E2F2: variants seen among roughly 807,000 people sequenced by gnomAD.
E2F2 encodes the protein E2F transcription factor 2, also known as transcription factor E2F2.
E2F2 carries 22 observed loss-of-function variants against 42.2 expected under a neutral mutation model. That is an observed-to-expected ratio of 0.52 (90% CI 0.37 to 0.74). The LOEUF (loss-of-function observed/expected upper bound fraction) is 0.74. Among genes scored for constraint, E2F2 ranks in the 30% least tolerant of loss-of-function variants. E2F2 has a pLI of 0.00. For synonymous variants in E2F2, 248 were observed against 251.6 expected (o/e 0.99, Z 0.13); for missense variants, 481 against 557.8 (o/e 0.86, Z 1.39).
rs758683813 is a variant in E2F2 at position 23,530,529 on chromosome 1, C to G, written c.252+13G>C. 3.7e-6 allele frequency: 6 copies of G among 1,610,318 alleles called. No individual in the cohort carries two copies. Among genetic ancestry groups the G allele is most frequent in the Non-Finnish European group, 4.2e-6 (5 of 1,178,548 alleles). Reference sequence around the variant, plus strand: ...AAAGCATAGGGGGAAGCGGTGGGGGCCCCCAGCATTACCGGCAGCCGGCCT... The same window carrying G: ...AAAGCATAGGGGGAAGCGGTGGGGGGCCCCAGCATTACCGGCAGCCGGCCT... On this transcript the variant is annotated intron_variant, in intron 1 of 6. Transcript: ENST00000361729. The surrounding 1 kb of genome is among the most constrained non-coding windows in gnomAD (Gnocchi z 4.4).
At chr1:23,510,512 A>G (rs1030040455) in intron 6 of E2F2, among the ~76,000 whole-genome samples, 1 of 152,062 alleles carries the variant, frequency 6.6e-6, no homozygotes, top group African/African-American at 2.4e-5. Context: ...TTTAGTAGAG[A>G]TGGGGTTTCA....
chr1:23,510,120 C>A lies in E2F2; in HGVS notation c.1074G>T (p.Gln358His). 6.2e-7 allele frequency: 1 copy of A among 1,602,974 alleles called. No homozygotes were observed. The highest frequency in any genetic ancestry group is 1.3e-5 in the African/African-American group (1 of 74,922). ...SVPAPAPTPQQAPPPPSLVPL... is the reference protein window; with the variant it reads ...SVPAPAPTPQHAPPPPSLVPL... Reference sequence around the variant, plus strand: ...GGACCAGGGATGGAGGCGGTGGGGCCTGCTGGGGGGTTGGCGCTGGTGCTG... The same window carrying A: ...GGACCAGGGATGGAGGCGGTGGGGCATGCTGGGGGGTTGGCGCTGGTGCTG... Residue 358 changes from glutamine (Q) to histidine (H), a missense_variant, in exon 7 of 7, where the codon CAG (glutamine) becomes CAT (histidine). Gln to His is a conservative substitution (Grantham distance 24, BLOSUM62 0). Coordinates refer to ENST00000361729, the MANE Select transcript of E2F2 (RefSeq NM_004091.4).
At chr1:23,514,674 A>AC (rs907354241) in intron 6 of E2F2, among the ~76,000 whole-genome samples, 8 of 4,844 alleles carry the variant, frequency 1.7e-3, no homozygotes, top group Non-Finnish European at 4.0e-3. Context: ...CTAAAAATAC[A>AC]AAAAAAAAAA....
At chr1:23,515,234 G>T (rs1642995661) in intron 6 of E2F2, among the ~76,000 whole-genome samples, 1 of 152,254 alleles carries the variant, frequency 6.6e-6, no homozygotes, top group South Asian at 2.1e-4. Flanking sequence ...GGCAAAAACT[G>T]TTCTGGAGAG....
downstream of E2F2, among the ~76,000 whole-genome samples, chr1:23,505,701 G>GA (rs1642784543): frequency 6.6e-6 from 1 of 152,100 alleles, no homozygotes; most frequent in South Asian, 2.1e-4. Flanking sequence ...TTTTAGTAGA[G>GA]ACGGGGTTTC....
In E2F2 at chr1:23,530,443, A is replaced by G. The variant is rs1164765756; in HGVS notation, c.252+99T>C. Reference sequence around the variant, plus strand: ...AAAGCTCATCTTCCCTCTTCCCAAAACTCTACCTGCTCCACTCAAACTGGA... The same window carrying G: ...AAAGCTCATCTTCCCTCTTCCCAAAGCTCTACCTGCTCCACTCAAACTGGA... On this transcript the variant is annotated intron_variant, in intron 1 of 6. Coordinates refer to ENST00000361729, the MANE Select transcript of E2F2 (RefSeq NM_004091.4). This position sits in a 1 kb window ranked among gnomAD's most constrained non-coding sequence, Gnocchi z 4.4. 46 of 1,489,324 alleles carry G rather than the reference A, an allele frequency of 3.1e-5. No individual in the cohort carries two copies. The East Asian group carries it at 3.5e-4, about 11-fold the overall frequency. 92.3% of individuals were successfully genotyped at this position (1,489,324 alleles called of 1,614,324 possible). A position where few individuals can be genotyped will look rare whatever the true frequency, so the allele number is the denominator to read the frequency against.
At chr1:23,510,253 C>T (rs1642885213) in intron 6 of E2F2, 105 bp from the exon 7 acceptor site, 4 of 1,426,092 alleles carry the variant, frequency 2.8e-6, no homozygotes, top group Non-Finnish European at 3.7e-6. Flanking sequence ...TCTTCTCTCT[C>T]CTTAGCCTGG....
At position 23,519,054 on chromosome 1, in the gene E2F2, G is replaced by A. The variant is rs770668556; in HGVS notation, c.814C>T (p.Pro272Ser). The A allele has an allele frequency of 1.2e-6, 2 of 1,613,974 alleles. No homozygotes were observed. Among genetic ancestry groups the A allele is most frequent in the South Asian group, 1.1e-5 (1 of 91,030 alleles). ...KEQTVIAVKA[P>S]PQTRLEVPDR... is the part of the protein sequence containing the mutation. ...GGCACTTCCAGTCTCGTCTGCGGAG[G>A]GGCCTTGACGGCAATCACTGTCTGC... Residue 272 changes from proline to serine, a missense_variant, in exon 5 of 7, where the codon CCT becomes TCT. By Grantham distance (74) the Pro-to-Ser change is moderately conservative. Coordinates refer to ENST00000361729, the MANE Select transcript of E2F2 (RefSeq NM_004091.4).
intron 1 of E2F2, among the ~76,000 whole-genome samples, chr1:23,529,743 C>A (rs1268470389): frequency 1.3e-5 from 2 of 152,194 alleles, no homozygotes; most frequent in Admixed American, 1.3e-4. Flanking sequence ...AACCAGGCTC[C>A]TCAACCACCA....
At chr1:23,522,139 G>C in intron 2 of E2F2, 83 bp from the exon 3 acceptor site, 1 of 1,290,154 alleles carries the variant, frequency 7.8e-7, no homozygotes, top group Non-Finnish European at 1.1e-6. Context: ...GGCTCATTAA[G>C]TACCACCTTT....
At chr1:23,514,123 TA>T (rs35229050) in intron 6 of E2F2, among the ~76,000 whole-genome samples, 78,669 of 146,244 alleles carry the variant, frequency 0.54, 21,303 homozygotes, top group East Asian at 0.82. Flanking sequence ...GACTCTGTCT[TA>T]AAAAAAAAAA....
chr1:23,511,510 A>C (rs1346977032), intron 6 of E2F2, among the ~76,000 whole-genome samples: 1 of 152,112 alleles, frequency 6.6e-6, no homozygotes, highest in Non-Finnish European at 1.5e-5. Context: ...TGCTGGGATT[A>C]CAGACATGAG....
intron 5 of E2F2, among the ~76,000 whole-genome samples, chr1:23,517,922 C>A (rs553376510): frequency 6.6e-6 from 1 of 152,312 alleles, no homozygotes; most frequent in South Asian, 2.1e-4. Flanking sequence ...ATAATCCCAG[C>A]ACTTTGGGAG....
chr1:23,513,978 G>T (rs1173073308), intron 6 of E2F2, among the ~76,000 whole-genome samples: 3 of 151,884 alleles, frequency 2.0e-5, no homozygotes, highest in Non-Finnish European at 2.9e-5. Flanking sequence ...ACAAAAATTA[G>T]CCGGGCATGG....
intron 2 of E2F2, 92 bp from the exon 3 acceptor site, chr1:23,522,148 T>C: frequency 8.8e-7 from 1 of 1,133,200 alleles, no homozygotes; most frequent in Non-Finnish European, 1.3e-6. Context: ...AGTACCACCT[T>C]TCACCACCCA....
chr1:23,524,072 C>CACA (rs61262862), intron 2 of E2F2, among the ~76,000 whole-genome samples: 3,744 of 125,240 alleles, frequency 0.03, 155 homozygotes, highest in Middle Eastern at 0.097. Context: ...AGACCTGTCT[C>CACA]ACAACAACAA....
intron 6 of E2F2, among the ~76,000 whole-genome samples, 189 bp from the exon 7 acceptor site, chr1:23,510,337 T>G (rs1235301600): frequency 6.6e-6 from 1 of 152,154 alleles, no homozygotes; most frequent in Non-Finnish European, 1.5e-5. Context: ...GTATTTTTTA[T>G]TTTTTTGAGA....
intron 3 of E2F2, 52 bp from the exon 4 acceptor site, chr1:23,521,123 A>C: frequency 6.6e-7 from 1 of 1,515,716 alleles, no homozygotes; most frequent in South Asian, 1.3e-5. Context: ...ACTCCAGAAC[A>C]AGGTCATTCA....
chr1:23,515,050 T>G (rs1558239844), intron 6 of E2F2, among the ~76,000 whole-genome samples: 1 of 152,214 alleles, frequency 6.6e-6, no homozygotes, highest in Non-Finnish European at 1.5e-5. Context: ...ACCAGTGTAC[T>G]GCAGAGCCCT....
Sources: gnomAD v4.1 joint callset for allele counts (sites outside exome capture counted in the v4.1 genomes callset) on GRCh38, gnomAD v4.1.1 for gene constraint, Gnocchi (gnomAD v3.1) non-coding constraint, MANE v1.5 for transcripts, NCBI Gene and HGNC (gene_info 2026-07-23, HGNC 2026-07-21) for gene names.